Variants in PPP1R36 observed in about 807,000 individuals in gnomAD.
The protein encoded by PPP1R36 is chromosome 14 open reading frame 50.
Under a neutral mutation model 53.4 loss-of-function variants are expected in PPP1R36, and 47 were observed. That is an observed-to-expected ratio of 0.88 (90% CI 0.70 to 1.12). The LOEUF (loss-of-function observed/expected upper bound fraction) is 1.12. PPP1R36 is among the 50% of genes most tolerant of loss of function. PPP1R36 has a pLI of 0.00. For missense variants in PPP1R36, 456 were observed against 513.9 expected (o/e 0.89, Z 1.09); for synonymous variants, 153 against 170.5 (o/e 0.90, Z 0.80).
chr14:64,582,795 C>T (rs1364870408), intron 8 of PPP1R36, among the ~76,000 whole-genome samples: 4 of 151,886 alleles, frequency 2.6e-5, no homozygotes, highest in African/African-American at 4.8e-5. Flanking sequence ...TATATTTCCA[C>T]GGATTGTATT....
intron 7 of PPP1R36, among the ~76,000 whole-genome samples, chr14:64,571,219 G>T (rs1374839552): frequency 6.6e-6 from 1 of 152,038 alleles, no homozygotes; most frequent in African/African-American, 2.4e-5. Flanking sequence ...TCTGCCTCCC[G>T]GGTTCAAGTG....
intron 8 of PPP1R36, among the ~76,000 whole-genome samples, chr14:64,584,511 G>C (rs2080415671): frequency 6.6e-6 from 1 of 152,206 alleles, no homozygotes; most frequent in Non-Finnish European, 1.5e-5. Flanking sequence ...CACCCCTCAG[G>C]TGGAGGCCTC....
At chr14:64,557,394 A>C (rs2080164488) in intron 3 of PPP1R36, among the ~76,000 whole-genome samples, 1 of 152,192 alleles carries the variant, frequency 6.6e-6, no homozygotes, top group South Asian at 2.1e-4. Flanking sequence ...CCCAATATAT[A>C]AAATAAGAAG....
At position 64,589,188 on chromosome 14, in the gene PPP1R36, C is replaced by T. The variant is rs116108142; in HGVS notation, c.1119C>T (p.Asn373=). Reference sequence around the variant, plus strand: ...TGGGGGAGCCTCGATGTCTATTCAACCCACATACGCTTCACCCCCTTGATC... The same window carrying T: ...TGGGGGAGCCTCGATGTCTATTCAATCCACATACGCTTCACCCCCTTGATC... ...GILGEPRCLF[N]PHTLHPLDPE... The change falls in exon 12 of 12, where the codon AAC becomes AAT. Residue 373 remains asparagine (N), a synonymous_variant. Transcript: ENST00000298705. 2.1e-3 allele frequency: 3,462 copies of T among 1,613,730 alleles called. 80 individuals carry two copies. The African/African-American group carries it at 0.041, about 19-fold the overall frequency.
At chr14:64,568,002 A>G (rs2080274059) in intron 6 of PPP1R36, among the ~76,000 whole-genome samples, 1 of 152,228 alleles carries the variant, frequency 6.6e-6, no homozygotes, top group African/African-American at 2.4e-5. Flanking sequence ...GGATGGTGAC[A>G]GAGGTAGGAG....
rs1402327480 is a variant in PPP1R36, at chr14:64,564,815, A to T, written c.247A>T (p.Thr83Ser). Residue 83 changes from threonine to serine, a missense_variant, in exon 4 of 12, where the codon ACT becomes TCT. Coordinates refer to ENST00000298705, the MANE Select transcript of PPP1R36 (RefSeq NM_172365.3). ...KKGKAVHFAE[T>S]DGPASDRLTD... ...AGGCAAAGCAGTTCACTTTGCAGAA[A>T]CTGATGGTCCAGCTTCAGACAGGTA... The T allele has an allele frequency of 1.2e-6, 2 of 1,610,014 alleles. No individual in the cohort carries two copies. The highest frequency in any genetic ancestry group is 8.5e-7 in the Non-Finnish European group (1 of 1,178,450).
In PPP1R36 at chr14:64,588,119, A is replaced by C. The variant is rs1242112808; in HGVS notation, c.906A>C (p.Lys302Asn). ...TCCCCGACAGGAGAATGATGGCAAAACGCCCAGCAATTAAAAAAGCTATCA... is the reference window on the plus strand; with the variant it reads ...TCCCCGACAGGAGAATGATGGCAAACCGCCCAGCAATTAAAAAAGCTATCA... ...TFVQFRRMMA[K>N]RPAIKKAINM... The change falls in exon 11 of 12, where the codon AAA (lysine) becomes AAC (asparagine). Residue 302 changes from lysine to asparagine, a missense_variant. By Grantham distance (94) the Lys-to-Asn change is moderately conservative. Coordinates refer to ENST00000298705, the MANE Select transcript of PPP1R36 (RefSeq NM_172365.3). 1.2e-6 allele frequency: 2 copies of C among 1,600,872 alleles called. No individual in the cohort carries two copies. Among genetic ancestry groups the C allele is most frequent in the Non-Finnish European group, 1.7e-6 (2 of 1,171,588 alleles).
chr14:64,578,581 T>A (rs2080361662), intron 8 of PPP1R36, among the ~76,000 whole-genome samples: 1 of 152,232 alleles, frequency 6.6e-6, no homozygotes, highest in African/African-American at 2.4e-5. Context: ...TCAGTCAGAA[T>A]GGCCATTATT....
rs2080327201 is a variant in PPP1R36, at chr14:64,574,452, C to T, written c.534-3C>T. The T allele has an allele frequency of 6.2e-7, 1 of 1,608,028 alleles. No individual in the cohort carries two copies. The highest frequency in any genetic ancestry group is 8.5e-7 in the Non-Finnish European group (1 of 1,178,114). On this transcript the variant is annotated splice_polypyrimidine_tract_variant and splice_region_variant and intron_variant, in intron 7 of 11. Coordinates refer to ENST00000298705, the MANE Select transcript of PPP1R36 (RefSeq NM_172365.3). ...ATTCTCTTTTTTTTGTCCTCCCCATCAGAGGCCTTGTAGAGAAAAAAGAAA... is the reference window on the plus strand; with the variant it reads ...ATTCTCTTTTTTTTGTCCTCCCCATTAGAGGCCTTGTAGAGAAAAAAGAAA...
At chr14:64,583,108 T>C (rs2080402708) in intron 8 of PPP1R36, among the ~76,000 whole-genome samples, 1 of 149,834 alleles carries the variant, frequency 6.7e-6, no homozygotes, top group Non-Finnish European at 1.5e-5. Flanking sequence ...AGATCGCGTT[T>C]TGCCATCTTG....
chr14:64,581,298 T>C (rs530240346), intron 8 of PPP1R36, among the ~76,000 whole-genome samples: 1 of 152,294 alleles, frequency 6.6e-6, no homozygotes, highest in Admixed American at 6.5e-5. Flanking sequence ...GTCTGGCTCA[T>C]GTACATGACT....
In PPP1R36 at chr14:64,552,794, A is replaced by AT. The variant is rs1342044538; in HGVS notation, c.135-17dup. ...AGTAACCCGTCACTTCAAAGCAGTA[A>AT]TTTCAGTTTTCTTTCTCAGGTTTGC... On this transcript the variant is annotated intron_variant, in intron 2 of 11. Transcript: ENST00000298705. 1.2e-6 allele frequency: 2 copies of AT among 1,610,790 alleles called. No individual in the cohort carries two copies. Among genetic ancestry groups the AT allele is most frequent in the Admixed American group, 3.3e-5 (2 of 59,994 alleles).
chr14:64,583,832 A>AAG (rs1566658963), intron 8 of PPP1R36, among the ~76,000 whole-genome samples: 8 of 150,662 alleles, frequency 5.3e-5, no homozygotes, highest in East Asian at 3.9e-4. Flanking sequence ...AAAAAAAAAA[A>AAG]AGAGAGAAAG....
chr14:64,584,523 G>A (rs1164047265), intron 8 of PPP1R36, among the ~76,000 whole-genome samples: 1 of 152,182 alleles, frequency 6.6e-6, no homozygotes, highest in Non-Finnish European at 1.5e-5. Flanking sequence ...GGAGGCCTCA[G>A]GTGGCACAGA....
chr14:64,553,972 A>C (rs145475288), intron 3 of PPP1R36, among the ~76,000 whole-genome samples: 19 of 151,964 alleles, frequency 1.3e-4, no homozygotes, highest in African/African-American at 3.9e-4. Flanking sequence ...CTCTGTGTTT[A>C]AGTAACTCAA....
intron 3 of PPP1R36, among the ~76,000 whole-genome samples, chr14:64,556,108 C>A (rs894620040): frequency 2.7e-5 from 4 of 148,542 alleles, no homozygotes; most frequent in African/African-American, 4.9e-5. Context: ...ATTCCAAAAT[C>A]TGAAGTCTTT....
Position 64,555,320 on chromosome 14 carries a change from C to T in PPP1R36, c.182+2459C>T, listed in dbSNP as rs565460741. Among the ~76,000 whole-genome samples, 61 of 152,292 alleles carry T rather than the reference C, an allele frequency of 4.0e-4. No homozygotes were observed. In the South Asian group the frequency reaches 5.8e-3, roughly 14 times the overall value. On this transcript the variant is annotated intron_variant, in intron 3 of 11. Transcript: ENST00000298705. ...GCATTCCTACACATGATGTTAACATCGTTCTCGAACAGTTGTTAGCCGAAG... is the reference window on the plus strand; with the variant it reads ...GCATTCCTACACATGATGTTAACATTGTTCTCGAACAGTTGTTAGCCGAAG...
chr14:64,559,143 G>T (rs942714832), intron 3 of PPP1R36, among the ~76,000 whole-genome samples: 3 of 152,182 alleles, frequency 2.0e-5, no homozygotes, highest in Admixed American at 2.0e-4. Flanking sequence ...CAGAGGTCGG[G>T]GTTGGAAGAG....
intron 11 of PPP1R36, 28 bp from the exon 12 acceptor site, chr14:64,589,124 T>A: frequency 6.3e-7 from 1 of 1,592,104 alleles, no homozygotes; most frequent in Admixed American, 1.7e-5. Flanking sequence ...CCTCATCACT[T>A]CAGCTATCCC....
Sources: gnomAD v4.1 joint callset for allele counts (sites outside exome capture counted in the v4.1 genomes callset) on GRCh38, gnomAD v4.1.1 for gene constraint, MANE v1.5 for transcripts, NCBI Gene and HGNC (gene_info 2026-07-23, HGNC 2026-07-21) for gene names.